EFR3A: variants seen among roughly 807,000 people sequenced by gnomAD.
EFR3A encodes the protein protein EFR3 homolog A.
Under a neutral mutation model 104.4 loss-of-function variants are expected in EFR3A, and 76 were observed. That is an observed-to-expected ratio of 0.73 (90% CI 0.60 to 0.88). The LOEUF (loss-of-function observed/expected upper bound fraction) is 0.88, where lower values mean the gene tolerates loss of function less well. Among genes scored for constraint, EFR3A ranks in the 40% least tolerant of loss-of-function variants. EFR3A has a pLI of 0.00. For missense variants in EFR3A, 985 were observed against 1,012.5 expected (o/e 0.97, Z 0.37); for synonymous variants, 330 against 330.0 (o/e 1.00, Z 0.00).
chr8:131,976,758 T>C (rs1201276347), intron 11 of EFR3A, among the ~76,000 whole-genome samples: 1 of 152,134 alleles, frequency 6.6e-6, no homozygotes, highest in African/African-American at 2.4e-5. Context: ...TACCTTAATT[T>C]GGGTTGTTTA....
In EFR3A at chr8:131,979,338, G is replaced by A. The variant is rs141087641; in HGVS notation, c.1500-8G>A. 4.3e-3 allele frequency: 6,668 copies of A among 1,538,238 alleles called. 24 individuals carry two copies. The highest frequency in any genetic ancestry group is 4.9e-3 in the Non-Finnish European group (5,538 of 1,135,368). ...ATTCATTAAAAATGATATATTGATC[G>A]TCTCTAGAATAATACCGGATGTAGC... is the stretch of plus-strand genomic sequence containing the variant. On this transcript the variant is annotated splice_polypyrimidine_tract_variant and splice_region_variant and intron_variant, in intron 13 of 22. Coordinates refer to ENST00000254624, the MANE Select transcript of EFR3A (RefSeq NM_015137.6).
chr8:131,956,254 G>GT (rs1213891287), intron 7 of EFR3A, among the ~76,000 whole-genome samples: 17 of 152,298 alleles, frequency 1.1e-4, no homozygotes, highest in Admixed American at 6.5e-4. Context: ...TTCATGGTCA[G>GT]TTTTTCCTGG....
intron 4 of EFR3A, 32 bp from the exon 5 acceptor site, chr8:131,949,937 G>A: frequency 6.5e-7 from 1 of 1,535,338 alleles, no homozygotes; most frequent in South Asian, 1.2e-5. Context: ...TCTGAAGAAG[G>A]TGAAGTATAT....
intron 1 of EFR3A, among the ~76,000 whole-genome samples, chr8:131,929,525 T>G (rs1313959098): frequency 6.6e-6 from 1 of 152,164 alleles, no homozygotes; most frequent in African/African-American, 2.4e-5. Context: ...AGCTATTATC[T>G]CATAGCAACC....
intron 1 of EFR3A, among the ~76,000 whole-genome samples, chr8:131,934,071 T>C (rs1168231745): frequency 6.6e-6 from 1 of 152,152 alleles, no homozygotes; most frequent in Non-Finnish European, 1.5e-5. Flanking sequence ...TGTAATAAAA[T>C]ACTCCTCTAA....
In EFR3A at chr8:131,993,689, A is replaced by G. The variant is rs75914410; in HGVS notation, c.2066-2717A>G. ...GGTAGGAGGATTGCTTGAAGCCAAG[A>G]GTTGAGACCAGCTTGAGAAAAAAAA... is the stretch of plus-strand genomic sequence containing the variant. On this transcript the variant is annotated intron_variant, in intron 18 of 22. Transcript: ENST00000254624. Among the ~76,000 whole-genome samples, 38 of 151,578 alleles carry G rather than the reference A, an allele frequency of 2.5e-4. 1 individual carries two copies. The highest frequency in any genetic ancestry group is 9.2e-4 in the African/African-American group (38 of 41,300).
At chr8:131,977,126 A>G in intron 12 of EFR3A, 34 bp downstream of exon 12, 1 of 1,493,924 alleles carries the variant, frequency 6.7e-7, no homozygotes, top group Non-Finnish European at 9.2e-7. Context: ...GGACACACTT[A>G]ACCTTAAATT....
chr8:131,953,597 G>T (rs79326161), intron 5 of EFR3A, among the ~76,000 whole-genome samples: 1 of 151,904 alleles, frequency 6.6e-6, no homozygotes, highest in Non-Finnish European at 1.5e-5. Flanking sequence ...TTTTAAATGC[G>T]GATTTTAAGA....
At chr8:131,960,811 A>G (rs1259344096) in intron 8 of EFR3A, among the ~76,000 whole-genome samples, 1 of 152,200 alleles carries the variant, frequency 6.6e-6, no homozygotes, top group Non-Finnish European at 1.5e-5. Context: ...GGGTAATAAG[A>G]TGTGATTAAG....
chr8:132,007,798 A>T (rs1200204855), intron 22 of EFR3A, among the ~76,000 whole-genome samples: 2 of 152,044 alleles, frequency 1.3e-5, no homozygotes, highest in Non-Finnish European at 2.9e-5. Flanking sequence ...GGAGAGTCCT[A>T]TCAAAAACTT....
intron 1 of EFR3A, among the ~76,000 whole-genome samples, chr8:131,928,712 T>C (rs1055320034): frequency 6.6e-6 from 1 of 152,158 alleles, no homozygotes; most frequent in Non-Finnish European, 1.5e-5. Flanking sequence ...TCTTGAAATT[T>C]TAAATTACAT....
intron 18 of EFR3A, among the ~76,000 whole-genome samples, chr8:131,990,433 G>A (rs1821114435): frequency 6.6e-6 from 1 of 152,158 alleles, no homozygotes; most frequent in African/African-American, 2.4e-5. Context: ...CAAGTAAACT[G>A]TGCTTCATAT....
At chr8:131,910,084 CTT>C (rs1816441649) in intron 1 of EFR3A, among the ~76,000 whole-genome samples, 1 of 152,174 alleles carries the variant, frequency 6.6e-6, no homozygotes. Context: ...GGTTCCCCTC[CTT>C]TGATACTGTA....
At chr8:131,948,343 A>G (rs963011488) in intron 4 of EFR3A, among the ~76,000 whole-genome samples, 2 of 152,108 alleles carry the variant, frequency 1.3e-5, no homozygotes, top group Admixed American at 6.6e-5. Flanking sequence ...GAGAATACCA[A>G]TCTCACAGGA....
intron 1 of EFR3A, among the ~76,000 whole-genome samples, chr8:131,933,047 G>C (rs138825961): frequency 1.3e-5 from 2 of 151,970 alleles, no homozygotes; most frequent in African/African-American, 4.8e-5. Context: ...GAAAGTCACT[G>C]CTTACATCTT....
At chr8:131,933,504 C>T (rs1340498336) in intron 1 of EFR3A, among the ~76,000 whole-genome samples, 1 of 151,898 alleles carries the variant, frequency 6.6e-6, no homozygotes, top group Non-Finnish European at 1.5e-5. Context: ...AATTTTTTTT[C>T]AAATGATGAT....
chr8:131,904,729 G>T (rs944337514), intron 1 of EFR3A, among the ~76,000 whole-genome samples: 34 of 152,198 alleles, frequency 2.2e-4, no homozygotes, highest in African/African-American at 7.5e-4. Flanking sequence ...GGACGCGCCG[G>T]CCCCGAGTCC....
Position 131,920,649 on chromosome 8 carries a change from C to T in EFR3A, c.10+16327C>T, listed in dbSNP as rs554902660. On this transcript the variant is annotated intron_variant, in intron 1 of 22. Transcript: ENST00000254624. Reference sequence around the variant, plus strand: ...TTTTGGCAGCTGCACAATGTTTTGACGACGTTGCTTTAGTCTCCAAAGTAG... The same window carrying T: ...TTTTGGCAGCTGCACAATGTTTTGATGACGTTGCTTTAGTCTCCAAAGTAG... 1.9e-3 allele frequency among the ~76,000 whole-genome samples: 286 copies of T among 151,502 alleles called. 2 individuals are homozygous for T. Among genetic ancestry groups the T allele is most frequent in the African/African-American group, 6.6e-3 (272 of 41,306 alleles).
chr8:131,992,920 G>T (rs1233622959), intron 18 of EFR3A, among the ~76,000 whole-genome samples: 1 of 152,156 alleles, frequency 6.6e-6, no homozygotes, highest in Non-Finnish European at 1.5e-5. Context: ...AAGAAGCTTA[G>T]TTAACATGGT....
Sources: allele counts gnomAD v4.1 joint callset (sites outside exome capture counted in the v4.1 genomes callset), GRCh38; gene constraint gnomAD v4.1.1; transcripts MANE v1.5; gene names NCBI Gene and HGNC (gene_info 2026-07-23, HGNC 2026-07-21).